CDK14: variants seen among roughly 807,000 people sequenced by gnomAD.
CDK14 encodes the protein cyclin dependent kinase 14, also known as cyclin-dependent kinase 14.
A neutral mutation model predicts 60.7 loss-of-function variants in CDK14; 34 were observed. The ratio of observed to expected loss-of-function variants is 0.56; its 90% CI spans 0.43 to 0.75. CDK14 has a LOEUF of 0.75. CDK14 is among the 30% of genes least tolerant of loss of function. The pLI is 0.00. For missense variants in CDK14, 482 were observed against 564.1 expected (o/e 0.85, Z 1.47); for synonymous variants, 197 against 203.7 (o/e 0.97, Z 0.28).
chr7:90,744,573 C>A (rs1350878180), intron 3 of CDK14, among the ~76,000 whole-genome samples: 2 of 150,110 alleles, frequency 1.3e-5, no homozygotes, highest in African/African-American at 4.9e-5. Flanking sequence ...CTCCTCACTT[C>A]CCAGTAGGGG....
At chr7:90,881,176 A>C (rs1192453362) in intron 6 of CDK14, among the ~76,000 whole-genome samples, 1 of 152,214 alleles carries the variant, frequency 6.6e-6, no homozygotes, top group Non-Finnish European at 1.5e-5. Flanking sequence ...AACCTAATGC[A>C]AAGAATGCTA....
intron 5 of CDK14, among the ~76,000 whole-genome samples, chr7:90,857,894 C>T (rs1170970526): frequency 6.6e-6 from 1 of 152,166 alleles, no homozygotes; most frequent in African/African-American, 2.4e-5. Context: ...GATGTTGGTA[C>T]ATATCGTAGG....
intron 8 of CDK14, among the ~76,000 whole-genome samples, chr7:90,926,152 G>A (rs1332992610): frequency 6.6e-6 from 1 of 152,098 alleles, no homozygotes; most frequent in Admixed American, 6.5e-5. Flanking sequence ...GCACATGCAT[G>A]GCTAGTTCCC....
At chr7:90,765,849 A>G (rs1464765030) in intron 4 of CDK14, among the ~76,000 whole-genome samples, 1 of 152,194 alleles carries the variant, frequency 6.6e-6, no homozygotes, top group Non-Finnish European at 1.5e-5. Flanking sequence ...GTCAGTAGAA[A>G]GAGAAAAAGT....
In CDK14 at chr7:90,726,607, T is replaced by C; in HGVS notation, c.164T>C (p.Met55Thr). The change falls in exon 3 of 15, where the codon ATG (methionine) becomes ACG (threonine). Residue 55 changes from methionine (M) to threonine (T), a missense_variant. Met to Thr is a moderately conservative substitution (Grantham distance 81). Transcript: ENST00000380050. ...TKMSTRNCQG[M>T]DSVIKPLDTI... Reference sequence around the variant, plus strand: ...ATGTCTACACGGAACTGCCAGGGAATGGACTCAGTGATCAAACCCCTGGAC... The same window carrying C: ...ATGTCTACACGGAACTGCCAGGGAACGGACTCAGTGATCAAACCCCTGGAC... 2 of 1,613,640 alleles carry C rather than the reference T, an allele frequency of 1.2e-6. No individual in the cohort carries two copies. The highest frequency in any genetic ancestry group is 1.7e-6 in the Non-Finnish European group (2 of 1,179,674).
rs528140457 is a variant in CDK14, at chr7:90,911,203, T to C, written c.703-6398T>C. Among the ~76,000 whole-genome samples the C allele has an allele frequency of 1.4e-4, 21 of 152,314 alleles. No homozygotes were observed. In the East Asian group the frequency reaches 1.7e-3, roughly 13 times the overall value. ...GCAAAATGTCTATCGTAGTAAGCAC[T>C]CAATAAATGGTAGTGATTCAACTCC... On this transcript the variant is annotated intron_variant, in intron 7 of 14. Coordinates refer to ENST00000380050, the MANE Select transcript of CDK14 (RefSeq NM_001287135.2).
chr7:91,202,525 G>A (rs886664662), intron 14 of CDK14, among the ~76,000 whole-genome samples: 4 of 152,194 alleles, frequency 2.6e-5, no homozygotes, highest in African/African-American at 4.8e-5. Flanking sequence ...TCACTTCCCT[G>A]TGATTGTAGT....
intron 4 of CDK14, among the ~76,000 whole-genome samples, chr7:90,749,927 A>C (rs891400368): frequency 6.6e-6 from 1 of 152,180 alleles, no homozygotes; most frequent in African/African-American, 2.4e-5. Context: ...AAGGCAACAG[A>C]GAGCATCTCC....
chr7:90,802,423 T>A (rs1788675673), intron 5 of CDK14, among the ~76,000 whole-genome samples: 1 of 152,202 alleles, frequency 6.6e-6, no homozygotes, highest in Admixed American at 6.5e-5. Context: ...TAATTAGGAA[T>A]CTAAATCAGA....
At chr7:90,752,470 AAC>A (rs2116828501) in intron 4 of CDK14, among the ~76,000 whole-genome samples, 1 of 152,256 alleles carries the variant, frequency 6.6e-6, no homozygotes, top group Non-Finnish European at 1.5e-5. Flanking sequence ...CATAAATGAA[AAC>A]AGAGACAAAT....
chr7:90,659,837 T>TTCTCTCTCTC (rs58582287), intron 2 of CDK14, among the ~76,000 whole-genome samples: 5,894 of 109,514 alleles, frequency 0.054, 166 homozygotes, highest in East Asian at 0.19. Context: ...CAGGGAATGC[T>TTCTCTCTCTC]TCTCTCTCTC....
At chr7:90,913,535 G>A (rs757084007) in intron 7 of CDK14, among the ~76,000 whole-genome samples, 5 of 152,232 alleles carry the variant, frequency 3.3e-5, no homozygotes, top group Non-Finnish European at 4.4e-5. Flanking sequence ...AACCCAATGT[G>A]AATAGATGTT....
At chr7:91,140,986 C>T (rs2115614106) in intron 14 of CDK14, among the ~76,000 whole-genome samples, 1 of 151,442 alleles carries the variant, frequency 6.6e-6, no homozygotes, top group East Asian at 1.9e-4. Context: ...ATAACCATGA[C>T]AGAAGGAAGA....
Position 90,683,014 on chromosome 7 carries a change from T to A in CDK14, c.124-43553T>A, listed in dbSNP as rs886674507. On this transcript the variant is annotated intron_variant, in intron 2 of 14. Transcript: ENST00000380050. ...CATCTAGTCAAGGTGTTAGTCGATTTCTTTATGCTATTTTTTCCCCTTGCT... is the reference window on the plus strand; with the variant it reads ...CATCTAGTCAAGGTGTTAGTCGATTACTTTATGCTATTTTTTCCCCTTGCT... 3.3e-5 allele frequency among the ~76,000 whole-genome samples: 5 copies of A among 152,282 alleles called. No homozygotes were observed. In the East Asian group the frequency reaches 9.7e-4, roughly 29 times the overall value.
intron 11 of CDK14, among the ~76,000 whole-genome samples, chr7:91,056,503 A>G (rs934130397): frequency 1.3e-5 from 2 of 152,004 alleles, no homozygotes; most frequent in East Asian, 1.9e-4. Context: ...GGTGTGCTGC[A>G]CCCATTAACT....
intron 2 of CDK14, among the ~76,000 whole-genome samples, chr7:90,662,698 A>G (rs1800888714): frequency 6.6e-6 from 1 of 152,238 alleles, no homozygotes; most frequent in Non-Finnish European, 1.5e-5. Context: ...GCTATGCACC[A>G]TGAGCTGTTA....
chr7:90,852,208 GT>G (rs1790669129), intron 5 of CDK14, among the ~76,000 whole-genome samples: 1 of 152,076 alleles, frequency 6.6e-6, no homozygotes, highest in South Asian at 2.1e-4. Flanking sequence ...ATCTTTTAAT[GT>G]TATTATTTTT....
chr7:90,822,992 T>C (rs2117083089), intron 5 of CDK14, among the ~76,000 whole-genome samples: 1 of 152,332 alleles, frequency 6.6e-6, no homozygotes, highest in East Asian at 1.9e-4. Context: ...ATCTGCTTGG[T>C]AAGCTGATCA....
chr7:90,605,992 A>G (rs17874798), intron 2 of CDK14, among the ~76,000 whole-genome samples: 3,974 of 152,306 alleles, frequency 0.026, 102 homozygotes, highest in Non-Finnish European at 0.036. Context: ...ACCTCTGTAT[A>G]GTCAAAGGTC....
Sources: allele counts gnomAD v4.1 joint callset (sites outside exome capture counted in the v4.1 genomes callset), GRCh38; gene constraint gnomAD v4.1.1; transcripts MANE v1.5; gene names NCBI Gene and HGNC (gene_info 2026-07-23, HGNC 2026-07-21).